RASSF3: variants seen among roughly 807,000 people sequenced by gnomAD.
RASSF3 encodes the protein ras association domain-containing protein 3.
In RASSF3, 19 loss-of-function variants were observed where a neutral mutation model predicts 19.9. The ratio of observed to expected loss-of-function variants is 0.96; its 90% CI spans 0.67 to 1.40. The LOEUF (loss-of-function observed/expected upper bound fraction) is 1.40, where lower values mean the gene tolerates loss of function less well. Ranked by LOEUF, RASSF3 falls within the 40% of genes most tolerant of loss-of-function variation. The pLI is 0.00. For synonymous variants in RASSF3, 110 were observed against 104.2 expected (o/e 1.06, Z -0.34); for missense variants, 306 against 289.8 (o/e 1.06, Z -0.41).
intron 2 of RASSF3, among the ~76,000 whole-genome samples, chr12:64,579,302 T>C (rs967435653): frequency 4.0e-5 from 6 of 151,848 alleles, no homozygotes; most frequent in African/African-American, 1.5e-4. Flanking sequence ...AGTGTTTTAA[T>C]ATCTATTATT....
intron 1 of RASSF3, among the ~76,000 whole-genome samples, chr12:64,624,476 T>C (rs548379407): frequency 5.3e-5 from 8 of 151,930 alleles, no homozygotes; most frequent in African/African-American, 1.9e-4. Context: ...GGTCTCACTA[T>C]GTTGCTCAGT....
chr12:64,533,242 G>A (rs1868752885), upstream of RASSF3: 1 of 152,242 alleles, frequency 6.6e-6, no homozygotes, highest in East Asian at 1.9e-4. Flanking sequence ...TCTGTACTCT[G>A]CTGCACAGCA....
chr12:64,661,392 G>A (rs1425711494), intron 1 of RASSF3, among the ~76,000 whole-genome samples: 1 of 152,132 alleles, frequency 6.6e-6, no homozygotes, highest in Non-Finnish European at 1.5e-5. Flanking sequence ...GGCTGAGATG[G>A]GAGGATCACT....
At chr12:64,562,055 T>C (rs1177088381) in intron 2 of RASSF3, among the ~76,000 whole-genome samples, 1 of 151,072 alleles carries the variant, frequency 6.6e-6, no homozygotes, top group Non-Finnish European at 1.5e-5. Flanking sequence ...TCTTGCTCTG[T>C]TGCCCAGGCT....
intron 2 of RASSF3, among the ~76,000 whole-genome samples, chr12:64,587,293 G>C (rs900527529): frequency 6.6e-5 from 10 of 152,004 alleles, no homozygotes; most frequent in Admixed American, 5.9e-4. Context: ...CCAACCTCAG[G>C]CAATCCACCT....
intron 4 of RASSF3, among the ~76,000 whole-genome samples, chr12:64,692,579 C>T (rs748749336): frequency 2.0e-5 from 3 of 152,132 alleles, no homozygotes; most frequent in Admixed American, 6.6e-5. Flanking sequence ...AGGCAGGGTG[C>T]AGAAATCTGA....
At chr12:64,607,525 A>G (rs996633925), upstream of RASSF3, among the ~76,000 whole-genome samples, 8 of 151,760 alleles carry the variant, frequency 5.3e-5, no homozygotes, top group Non-Finnish European at 1.2e-4. Context: ...ATGTGCCATC[A>G]TGCCCAGCTA....
At chr12:64,533,653 T>G (rs1236751269) in intron 1 of RASSF3, 1 of 152,244 alleles carries the variant, frequency 6.6e-6, no homozygotes, top group African/African-American at 2.4e-5. Flanking sequence ...GGTTTCATTT[T>G]CTGTAACAGA....
At chr12:64,518,807 A>G (rs1031169730) in intron 1 of RASSF3, among the ~76,000 whole-genome samples, 2 of 152,206 alleles carry the variant, frequency 1.3e-5, no homozygotes, top group South Asian at 4.1e-4. Context: ...CAGCATATCT[A>G]CCTGCTCTTG....
chr12:64,584,481 C>G (rs11175463), intron 2 of RASSF3, among the ~76,000 whole-genome samples: 1 of 129,352 alleles, frequency 7.7e-6, no homozygotes, highest in Non-Finnish European at 1.6e-5. Context: ...TTGCTGCCTT[C>G]TACAAAAGAG....
intron 2 of RASSF3, among the ~76,000 whole-genome samples, chr12:64,566,940 G>A (rs1349602614): frequency 6.6e-6 from 1 of 152,236 alleles, no homozygotes; most frequent in African/African-American, 2.4e-5. Context: ...TCCAGATTAA[G>A]TGTAGCTTTG....
intron 1 of RASSF3, among the ~76,000 whole-genome samples, chr12:64,620,260 A>G (rs982992996): frequency 6.6e-6 from 1 of 152,096 alleles, no homozygotes; most frequent in African/African-American, 2.4e-5. Flanking sequence ...ATGTTGGAGT[A>G]TGTGTCAGAA....
At chr12:64,570,664 G>A (rs1592404095) in intron 2 of RASSF3, among the ~76,000 whole-genome samples, 1 of 152,138 alleles carries the variant, frequency 6.6e-6, no homozygotes, top group South Asian at 2.1e-4. Flanking sequence ...GTCTTTCTAA[G>A]AGCTGTTTAG....
intron 3 of RASSF3, among the ~76,000 whole-genome samples, chr12:64,689,220 G>GGGGTGTGT (rs111761430): frequency 6.8e-6 from 1 of 147,444 alleles, no homozygotes; most frequent in Non-Finnish European, 1.5e-5. Context: ...TTGAAATCGG[G>GGGGTGTGT]GTGTGTGTGT....
At chr12:64,527,022 A>C (rs1868602348) in intron 1 of RASSF3, among the ~76,000 whole-genome samples, 1 of 152,188 alleles carries the variant, frequency 6.6e-6, no homozygotes, top group African/African-American at 2.4e-5. Flanking sequence ...CATGTTCTTG[A>C]TTAATTCATC....
At chr12:64,554,112 C>CA (rs1293072208) in intron 2 of RASSF3, among the ~76,000 whole-genome samples, 1 of 152,094 alleles carries the variant, frequency 6.6e-6, no homozygotes, top group Non-Finnish European at 1.5e-5. Flanking sequence ...AAGAACACAA[C>CA]AGAACACATT....
chr12:64,521,266 G>C (rs949987033), intron 1 of RASSF3, among the ~76,000 whole-genome samples: 3 of 152,194 alleles, frequency 2.0e-5, no homozygotes, highest in African/African-American at 7.2e-5. Context: ...AAAGTGGACA[G>C]GTAGGTGATA....
At chr12:64,531,566 T>C (rs1454511991), upstream of RASSF3, among the ~76,000 whole-genome samples, 1 of 152,248 alleles carries the variant, frequency 6.6e-6, no homozygotes, top group Non-Finnish European at 1.5e-5. Context: ...TTAACCTCAC[T>C]TTTTTCTTTA....
intron 1 of RASSF3, among the ~76,000 whole-genome samples, chr12:64,540,811 G>A (rs1298003693): frequency 6.6e-6 from 1 of 152,104 alleles, no homozygotes; most frequent in Admixed American, 6.6e-5. Flanking sequence ...TCAGTCTGTT[G>A]CCCAGGCTGG....
Sources: allele counts gnomAD v4.1 joint callset (sites outside exome capture counted in the v4.1 genomes callset), GRCh38; gene constraint gnomAD v4.1.1; transcripts MANE v1.5; gene names NCBI Gene and HGNC (gene_info 2026-07-23, HGNC 2026-07-21).